Variants in SORL1 observed in about 807,000 individuals in gnomAD.
The protein encoded by SORL1 is sortilin related receptor 1.
Under a neutral mutation model 273.7 loss-of-function variants are expected in SORL1, and 127 were observed. The observed-to-expected ratio is 0.46, with a 90% CI of 0.40 to 0.54. SORL1 has a LOEUF of 0.54. SORL1 is among the 20% of genes least tolerant of loss of function. The pLI is 0.00. For synonymous variants in SORL1, 1,031 were observed against 1,067.4 expected, an observed-to-expected ratio of 0.97 and a Z score of 0.66; for missense variants, 2,494 against 2,846.1, an observed-to-expected ratio of 0.88 and a Z score of 2.81.
At chr11:121,620,047 C>T (rs1863700117) in intron 43 of SORL1, 130 bp downstream of exon 43, 2 of 726,104 alleles carry the variant, frequency 2.8e-6, no homozygotes, top group African/African-American at 3.5e-5. Flanking sequence ...GGAGGTCTCT[C>T]TCCCATTTCA....
intron 41 of SORL1, among the ~76,000 whole-genome samples, chr11:121,616,180 G>A (rs1863637009): frequency 6.6e-6 from 1 of 152,174 alleles, no homozygotes; most frequent in African/African-American, 2.4e-5. Flanking sequence ...TCTCTCCAGA[G>A]TAGGGCAATT....
At chr11:121,527,475 CT>C (rs1207851555) in intron 11 of SORL1, among the ~76,000 whole-genome samples, 1 of 151,380 alleles carries the variant, frequency 6.6e-6, no homozygotes, top group African/African-American at 2.4e-5. Context: ...TAAAATCTTT[CT>C]AAAGTTTTGA....
intron 12 of SORL1, among the ~76,000 whole-genome samples, chr11:121,537,547 G>A (rs1221402751): frequency 6.6e-6 from 1 of 152,208 alleles, no homozygotes; most frequent in Non-Finnish European, 1.5e-5. Context: ...AGCCTCTGTT[G>A]TGGGTCCAAG....
At position 121,627,892 on chromosome 11, in the gene SORL1, C is replaced by A. The variant is rs900070709; in HGVS notation, c.6577+125C>A. 3.1e-6 allele frequency: 2 copies of A among 641,328 alleles called. No individual in the cohort carries two copies. Among genetic ancestry groups the A allele is most frequent in the African/African-American group, 1.8e-5 (1 of 54,754 alleles). 39.7% of individuals were successfully genotyped at this position (641,328 alleles called of 1,614,324 possible). The stretch of plus-strand genomic sequence containing the variant: ...CCTGGAGGAGCTCTTCATCAGCCAG[C>A]GATTTGATTCCATGAGTTTTGGTTA... On this transcript the variant is annotated intron_variant, in intron 47 of 47. Transcript: ENST00000260197. The surrounding 1 kb of genome is among the most constrained non-coding windows in gnomAD (Gnocchi z 4.9).
chr11:121,606,909 C>T lies in SORL1; in HGVS notation c.5013C>T (p.Gly1671=), dbSNP rs751619443. ...LPREAEGVIV[G]HWAPPIHTHG... ...GGGAAGCAGAAGGTGTGATTGTAGG[C>T]CACTGGGCTCCTCCCATCCACACCC... Residue 1671 remains glycine, a synonymous_variant, in exon 36 of 48, where the codon GGC becomes GGT. Coordinates refer to ENST00000260197, the MANE Select transcript of SORL1 (RefSeq NM_003105.6). 3 of 1,614,150 alleles carry T rather than the reference C, an allele frequency of 1.9e-6. No individual in the cohort carries two copies. Among genetic ancestry groups the T allele is most frequent in the Admixed American group, 1.7e-5 (1 of 60,030 alleles).
intron 12 of SORL1, among the ~76,000 whole-genome samples, chr11:121,539,856 A>G (rs1246224965): frequency 6.6e-6 from 1 of 152,168 alleles, no homozygotes; most frequent in African/African-American, 2.4e-5. Flanking sequence ...TTAAATTGAT[A>G]CATATGATTA....
At chr11:121,543,479 T>G in intron 12 of SORL1, 69 bp from the exon 13 acceptor site, 1 of 1,324,662 alleles carries the variant, frequency 7.5e-7, no homozygotes, top group Non-Finnish European at 1.1e-6. Context: ...CTGGTGAATG[T>G]TATATGGAAA....
chr11:121,488,655 C>T (rs1591297221), intron 4 of SORL1, among the ~76,000 whole-genome samples: 5 of 152,266 alleles, frequency 3.3e-5, no homozygotes, highest in South Asian at 2.1e-4. Context: ...AGTCTTCCTT[C>T]GAGTGCGTGC....
chr11:121,503,913 G>A (rs1294985499), intron 6 of SORL1, among the ~76,000 whole-genome samples: 1 of 151,944 alleles, frequency 6.6e-6, no homozygotes, highest in Non-Finnish European at 1.5e-5. Flanking sequence ...TCAATTTTTT[G>A]CCAAAACAAA....
chr11:121,506,789 A>G (rs529557869), intron 6 of SORL1, among the ~76,000 whole-genome samples: 1 of 152,296 alleles, frequency 6.6e-6, no homozygotes, highest in African/African-American at 2.4e-5. Flanking sequence ...ATTTACTTAC[A>G]TTTAATGTAA....
chr11:121,524,390 G>A (rs1370379379), intron 11 of SORL1, among the ~76,000 whole-genome samples: 2 of 152,260 alleles, frequency 1.3e-5, no homozygotes, highest in Non-Finnish European at 2.9e-5. Flanking sequence ...CGGGGCAGCT[G>A]TCAGTGCCTC....
chr11:121,494,333 A>G (rs1037036796), intron 5 of SORL1, among the ~76,000 whole-genome samples: 5 of 152,204 alleles, frequency 3.3e-5, no homozygotes, highest in Admixed American at 6.5e-5. Flanking sequence ...AGCGTAATCT[A>G]GTCTCTCAGA....
intron 36 of SORL1, 69 bp downstream of exon 36, chr11:121,607,026 G>T: frequency 8.1e-7 from 1 of 1,236,552 alleles, no homozygotes; most frequent in Non-Finnish European, 1.2e-6. Context: ...TATTCTGTAT[G>T]ACGAGGGGGT....
chr11:121,473,504 A>G (rs1342684926), intron 2 of SORL1, among the ~76,000 whole-genome samples: 1 of 152,228 alleles, frequency 6.6e-6, no homozygotes, highest in African/African-American at 2.4e-5. Flanking sequence ...CTGCTCTCTC[A>G]TGATGTATTT....
chr11:121,620,295 T>C (rs559528195), intron 43 of SORL1, among the ~76,000 whole-genome samples: 13 of 152,338 alleles, frequency 8.5e-5, no homozygotes, highest in South Asian at 8.3e-4. Context: ...ATATATTATA[T>C]CTGACCACTT....
chr11:121,532,671 C>T, intron 12 of SORL1, 119 bp downstream of exon 12: 3 of 797,976 alleles, frequency 3.8e-6, no homozygotes, highest in South Asian at 1.8e-5. Context: ...TTTGTGATCT[C>T]TGGATATGAG....
intron 21 of SORL1, 56 bp downstream of exon 21, chr11:121,559,713 C>G: frequency 6.4e-7 from 1 of 1,554,510 alleles, no homozygotes; most frequent in East Asian, 2.3e-5. Context: ...AAAGGGGCTG[C>G]GTGTGGCCAA....
In SORL1 at chr11:121,566,531, C is replaced by T. The variant is rs575558116; in HGVS notation, c.3050-409C>T. 3.2e-4 allele frequency among the ~76,000 whole-genome samples: 49 copies of T among 152,246 alleles called. 1 individual carries two copies. The South Asian group carries it at 8.9e-3, about 28-fold the overall frequency. On this transcript the variant is annotated intron_variant, in intron 21 of 47. Transcript: ENST00000260197. ...CCTTAAGTCTCTTTTAGTCTCCTGA[C>T]GGTCTGCAGACTGAGCTTATCTGCA...
intron 11 of SORL1, among the ~76,000 whole-genome samples, chr11:121,527,092 C>T (rs548121960): frequency 6.6e-6 from 1 of 152,136 alleles, no homozygotes; most frequent in South Asian, 2.1e-4. Flanking sequence ...GCCTTGTTCT[C>T]TCTCTGGGGG....
Sources: gnomAD v4.1 joint callset for allele counts (sites outside exome capture counted in the v4.1 genomes callset) on GRCh38, gnomAD v4.1.1 for gene constraint, Gnocchi (gnomAD v3.1) non-coding constraint, MANE v1.5 for transcripts, NCBI Gene and HGNC (gene_info 2026-07-23, HGNC 2026-07-21) for gene names.